Variants in MRPL21 observed in about 807,000 individuals in gnomAD.
MRPL21 encodes mitochondrial ribosomal protein L21.
In MRPL21, 20 loss-of-function variants were observed where a neutral mutation model predicts 27.3. That is an observed-to-expected ratio of 0.73 (90% CI 0.52 to 1.06). MRPL21 has a LOEUF of 1.06. Among genes scored for constraint, MRPL21 ranks in the 50% least tolerant of loss-of-function variants. The pLI, the probability that MRPL21 is intolerant of heterozygous loss-of-function variation, is 0.00. For missense variants in MRPL21, 249 were observed against 251.4 expected, an observed-to-expected ratio of 0.99 and a Z score of 0.06; for synonymous variants, 98 against 101.5, an observed-to-expected ratio of 0.97 and a Z score of 0.21.
intron 1 of MRPL21, among the ~76,000 whole-genome samples, chr11:68,902,114 G>A (rs1252613317): frequency 1.3e-5 from 2 of 152,212 alleles, no homozygotes; most frequent in African/African-American, 2.4e-5. Context: ...GACTGTGACT[G>A]TGTACTTCCA....
Position 68,896,527 on chromosome 11 carries a change from A to T in MRPL21, c.384T>A (p.Ile128=). 1 of 1,614,144 alleles carries T rather than the reference A, an allele frequency of 6.2e-7. No homozygotes were observed. The highest frequency in any genetic ancestry group is 8.5e-7 in the Non-Finnish European group (1 of 1,180,002). The part of the protein sequence containing the change: ...NELDLACGER[I]RLEKVLLVGA... ...TCGGTGGTCTCACCTTCTCCAGTCG[A>T]ATTCTCTCTCCACACGCAAGGTCTA... Residue 128 remains isoleucine, a synonymous_variant, in exon 4 of 7, where the codon ATT becomes ATA. Coordinates refer to ENST00000362034, the MANE Select transcript of MRPL21 (RefSeq NM_181514.2).
intron 2 of MRPL21, among the ~76,000 whole-genome samples, chr11:68,898,674 T>A (rs530969982): frequency 6.6e-6 from 1 of 152,214 alleles, no homozygotes; most frequent in Non-Finnish European, 1.5e-5. Context: ...TCACAGCCGG[T>A]CCCAGCATGG....
At position 68,897,985 on chromosome 11, in the gene MRPL21, T is replaced by G. The variant is rs775358453; in HGVS notation, c.174A>C (p.Ser58=). 1 of 1,614,118 alleles carries G rather than the reference T, an allele frequency of 6.2e-7. No homozygotes were observed. The highest frequency in any genetic ancestry group is 1.1e-5 in the South Asian group (1 of 91,078). Residue 58 remains serine, a synonymous_variant, in exon 3 of 7, where the codon TCA becomes TCC. Coordinates refer to ENST00000362034, the MANE Select transcript of MRPL21 (RefSeq NM_181514.2). ...GCAGAACAACTTCTGGCCAAGGTGG[T>G]GAACTCAGGGATGTTTTAGGAACAT... ...PGYVPKTSLS[S]PPWPEVVLPD... is the part of the protein sequence containing the mutation.
intron 4 of MRPL21, among the ~76,000 whole-genome samples, chr11:68,895,615 A>C (rs1857767927): frequency 6.6e-6 from 1 of 152,182 alleles, no homozygotes; most frequent in African/African-American, 2.4e-5. Context: ...GCGCCATTGC[A>C]CTCCAGCCTG....
chr11:68,891,790 T>C, intron 6 of MRPL21: 2 of 464,994 alleles, frequency 4.3e-6, no homozygotes, highest in Non-Finnish European at 3.8e-6. Flanking sequence ...CCAATACCAG[T>C]ATTCTGGGTA....
chr11:68,897,970 T>G lies in MRPL21; in HGVS notation c.189A>C (p.Glu63Asp). The G allele has an allele frequency of 6.2e-7, 1 of 1,614,146 alleles. No homozygotes were observed. Among genetic ancestry groups the G allele is most frequent in the Non-Finnish European group, 8.5e-7 (1 of 1,179,998 alleles). ...CCTCAACTGGGTCTGGCAGAACAAC[T>G]TCTGGCCAAGGTGGTGAACTCAGGG... Reference protein sequence around the residue: ...KTSLSSPPWPEVVLPDPVEET... With the variant: ...KTSLSSPPWPDVVLPDPVEET... Residue 63 changes from glutamate to aspartate, a missense_variant, in exon 3 of 7, where the codon GAA becomes GAC. Physicochemically the swap from Glu to Asp is conservative, Grantham distance 45 (BLOSUM62 2). Transcript: ENST00000362034.
At chr11:68,898,489 C>T (rs550155001) in intron 2 of MRPL21, among the ~76,000 whole-genome samples, 11 of 152,352 alleles carry the variant, frequency 7.2e-5, no homozygotes, top group African/African-American at 2.6e-4. Context: ...ACGTTCCCTG[C>T]TCCACCTCCA....
At chr11:68,892,691 G>A (rs1313779724) in intron 6 of MRPL21, 199 bp downstream of exon 6, 1 of 1,516,590 alleles carries the variant, frequency 6.6e-7, no homozygotes, top group South Asian at 1.2e-5. Context: ...CACGCGTGGA[G>A]CGTGGAGGAG....
At chr11:68,902,532 G>C (rs1428629365) in intron 1 of MRPL21, among the ~76,000 whole-genome samples, 1 of 152,128 alleles carries the variant, frequency 6.6e-6, no homozygotes, top group Non-Finnish European at 1.5e-5. Context: ...CACCAAAATT[G>C]AGTGGAAGGT....
chr11:68,897,104 G>A (rs1041358350), intron 3 of MRPL21, among the ~76,000 whole-genome samples: 4 of 152,162 alleles, frequency 2.6e-5, no homozygotes, highest in Admixed American at 6.5e-5. Context: ...CGAAAGGAGA[G>A]GACTTTGCAA....
intron 2 of MRPL21, 88 bp from the exon 3 acceptor site, chr11:68,898,100 G>A (rs917596894): frequency 9.1e-7 from 1 of 1,102,120 alleles, no homozygotes; most frequent in African/African-American, 1.5e-5. Flanking sequence ...CAAATGTTAG[G>A]AAGGGATCCC....
chr11:68,900,910 GA>G (rs1311816534), intron 1 of MRPL21, among the ~76,000 whole-genome samples: 5 of 152,350 alleles, frequency 3.3e-5, no homozygotes, highest in Admixed American at 3.3e-4. Flanking sequence ...CCAAGCGTGG[GA>G]GCAGCCTCCA....
chr11:68,891,699 A>G, intron 6 of MRPL21: 1 of 539,630 alleles, frequency 1.9e-6, no homozygotes, highest in Admixed American at 3.1e-5. Flanking sequence ...GGATGGCCCC[A>G]CCTGAGTGAC....
At chr11:68,891,502 G>A (rs1566412818) in intron 6 of MRPL21, 107 bp from the exon 7 acceptor site, 23 of 1,028,974 alleles carry the variant, frequency 2.2e-5, no homozygotes, top group Middle Eastern at 2.9e-4. Flanking sequence ...CCCCGGCAAC[G>A]TCCCCTGCTG....
At chr11:68,897,905 C>G (rs766859287) in intron 3 of MRPL21, 22 bp downstream of exon 3, 1 of 1,600,604 alleles carries the variant, frequency 6.2e-7, no homozygotes, top group South Asian at 1.1e-5. Flanking sequence ...CCTCTAGCTT[C>G]TGTCTCCCAG....
chr11:68,899,200 CT>C (rs1857875515), intron 2 of MRPL21, among the ~76,000 whole-genome samples: 1 of 152,156 alleles, frequency 6.6e-6, no homozygotes, highest in Non-Finnish European at 1.5e-5. Context: ...GAGGTGGGGT[CT>C]TTCTTTCTGT....
chr11:68,895,309 G>A (rs1391918502), intron 4 of MRPL21, among the ~76,000 whole-genome samples: 3 of 151,882 alleles, frequency 2.0e-5, no homozygotes, highest in Non-Finnish European at 2.9e-5. Flanking sequence ...TCAAATAGAC[G>A]CCCCCAGCAA....
chr11:68,893,948 C>A (rs1030630171), intron 4 of MRPL21, among the ~76,000 whole-genome samples: 5 of 152,148 alleles, frequency 3.3e-5, no homozygotes, highest in Non-Finnish European at 7.3e-5. Context: ...GCGGCATGCA[C>A]CTGTAGTCCC....
intron 6 of MRPL21, chr11:68,891,844 A>G (rs945607988): frequency 3.0e-5 from 14 of 473,500 alleles, no homozygotes; most frequent in Non-Finnish European, 4.4e-5. Flanking sequence ...CGGCAACTGC[A>G]GTTATAGCAA....
Sources: allele counts gnomAD v4.1 joint callset (sites outside exome capture counted in the v4.1 genomes callset), GRCh38; gene constraint gnomAD v4.1.1; transcripts MANE v1.5; gene names NCBI Gene and HGNC (gene_info 2026-07-23, HGNC 2026-07-21).